TAFA1: variants seen among roughly 807,000 people sequenced by gnomAD.
The protein encoded by TAFA1 is chemokine-like protein TAFA-1.
In TAFA1, 4 loss-of-function variants were observed where a neutral mutation model predicts 18.5. The observed-to-expected ratio is 0.22, with a 90% confidence interval of 0.11 to 0.49. The LOEUF (loss-of-function observed/expected upper bound fraction) is 0.49. Among genes scored for constraint, TAFA1 ranks in the 20% least tolerant of loss-of-function variants. The pLI, the probability that TAFA1 is intolerant of heterozygous loss-of-function variation, is 0.98. For missense variants in TAFA1, 147 were observed against 169.0 expected (o/e 0.87, Z 0.72); for synonymous variants, 56 against 55.2 (o/e 1.01, Z -0.06).
At chr3:68,028,773 G>T (rs4546166) in intron 2 of TAFA1, among the ~76,000 whole-genome samples, 98,366 of 150,736 alleles carry the variant, frequency 0.65, 32,217 homozygotes, top group South Asian at 0.78. Context: ...ATTTTTTTGA[G>T]ATAGGGTTTC....
chr3:68,543,657 A>C lies in TAFA1; in HGVS notation c.385-829A>C, dbSNP rs557486629. 2.0e-5 allele frequency among the ~76,000 whole-genome samples: 3 copies of C among 152,272 alleles called. No homozygotes were observed. In the South Asian group the frequency reaches 6.2e-4, roughly 32 times the overall value. ...CACTCAACTTCTAAAACTGTAAAGA[A>C]GTAAGAGATAATAAAGAAAAATGCC... On this transcript the variant is annotated intron_variant, in intron 4 of 4. Transcript: ENST00000478136.
intron 2 of TAFA1, among the ~76,000 whole-genome samples, chr3:68,117,206 T>C (rs2065334756): frequency 1.3e-5 from 2 of 152,196 alleles, no homozygotes; most frequent in South Asian, 4.1e-4. Flanking sequence ...TACCCTTCAT[T>C]TTCCCTTGGA....
intron 2 of TAFA1, among the ~76,000 whole-genome samples, chr3:68,384,209 G>T (rs1022717180): frequency 6.6e-6 from 1 of 151,794 alleles, no homozygotes; most frequent in Non-Finnish European, 1.5e-5. Flanking sequence ...GTTATTTCTT[G>T]TCTTCTGCTA....
chr3:68,199,116 G>A (rs2066444955), intron 2 of TAFA1, among the ~76,000 whole-genome samples: 1 of 151,388 alleles, frequency 6.6e-6, no homozygotes, highest in Non-Finnish European at 1.5e-5. Flanking sequence ...AATCTTATTT[G>A]TTAACAACAC....
intron 2 of TAFA1, among the ~76,000 whole-genome samples, chr3:68,328,605 G>A (rs1269624257): frequency 6.6e-6 from 1 of 152,172 alleles, no homozygotes; most frequent in African/African-American, 2.4e-5. Flanking sequence ...GCATAAACTA[G>A]CAGGCTAACG....
intron 3 of TAFA1, among the ~76,000 whole-genome samples, chr3:68,436,790 G>A (rs530261545): frequency 5.3e-5 from 8 of 152,096 alleles, no homozygotes; most frequent in South Asian, 2.1e-4. Context: ...AATGAACAGC[G>A]AGTCACTGGT....
intron 2 of TAFA1, among the ~76,000 whole-genome samples, chr3:68,166,112 CA>C (rs11303775): frequency 0.66 from 99,983 of 151,934 alleles, 33,670 homozygotes; most frequent in South Asian, 0.78. Flanking sequence ...GAGCATAGCA[CA>C]TTGCCAATAC....
At chr3:68,287,907 TGGG>T (rs35069967) in intron 2 of TAFA1, among the ~76,000 whole-genome samples, 6 of 51,996 alleles carry the variant, frequency 1.2e-4, no homozygotes, top group Non-Finnish European at 2.3e-4. Flanking sequence ...TTGTTTTTGT[TGGG>T]GGGTGGGGGG....
intron 2 of TAFA1, among the ~76,000 whole-genome samples, chr3:68,044,269 A>G (rs764255852): frequency 4.6e-5 from 7 of 152,120 alleles, no homozygotes; most frequent in East Asian, 1.9e-4. Flanking sequence ...TTCTGCTTTT[A>G]TCTCTGGCAT....
chr3:68,379,036 T>C (rs1232189549), intron 2 of TAFA1, among the ~76,000 whole-genome samples: 1 of 152,178 alleles, frequency 6.6e-6, no homozygotes, highest in Non-Finnish European at 1.5e-5. Context: ...AGTAAAGAGA[T>C]TGTTGGGTCA....
At chr3:68,458,386 C>G (rs796748851) in intron 3 of TAFA1, among the ~76,000 whole-genome samples, 7 of 152,286 alleles carry the variant, frequency 4.6e-5, no homozygotes, top group African/African-American at 1.7e-4. Flanking sequence ...CAAGAACTAA[C>G]TAACATATCT....
intron 2 of TAFA1, among the ~76,000 whole-genome samples, chr3:68,380,419 T>C (rs982489635): frequency 7.2e-5 from 11 of 152,206 alleles, no homozygotes; most frequent in Admixed American, 2.6e-4. Flanking sequence ...CCACATCCTC[T>C]CCAGCACCTG....
chr3:68,470,939 C>G (rs572576041), intron 3 of TAFA1, among the ~76,000 whole-genome samples: 5 of 152,228 alleles, frequency 3.3e-5, no homozygotes, highest in African/African-American at 1.2e-4. Context: ...CCACCACAGA[C>G]CTGGAAGCCT....
intron 3 of TAFA1, among the ~76,000 whole-genome samples, chr3:68,519,759 C>T (rs2072988691): frequency 6.6e-6 from 1 of 152,106 alleles, no homozygotes. Context: ...CTGGGGGACC[C>T]TTTTATGTGG....
intron 2 of TAFA1, among the ~76,000 whole-genome samples, chr3:68,403,819 G>T (rs1307546237): frequency 6.6e-6 from 1 of 152,182 alleles, no homozygotes; most frequent in Non-Finnish European, 1.5e-5. Context: ...GCCCTGGAAG[G>T]TCTTGCACAG....
chr3:68,451,302 G>A (rs1484186059), intron 3 of TAFA1, among the ~76,000 whole-genome samples: 4 of 152,108 alleles, frequency 2.6e-5, no homozygotes, highest in Non-Finnish European at 5.9e-5. Flanking sequence ...CTCAATAAAC[G>A]TCTGTTAAAT....
At position 68,410,705 on chromosome 3, in the gene TAFA1, CAAAAAAAA is replaced by C. The variant is rs34714719; in HGVS notation, c.119-6554_119-6547del. Among the ~76,000 whole-genome samples the C allele has an allele frequency of 5.1e-3, 188 of 36,664 alleles. 2 individuals carry two copies. Among genetic ancestry groups the C allele is most frequent in the African/African-American group, 0.015 (161 of 10,610 alleles). The allele number at this position is 36,664 out of a possible 152,430, so 24.1% of individuals were successfully genotyped here. ...CAAAAAAGAGACCATTTTCCATAAG[CAAAAAAAA>C]AAAAAAAAAAAAAAAAAAAAGGAAG... On this transcript the variant is annotated intron_variant, in intron 2 of 4. Coordinates refer to ENST00000478136, the MANE Select transcript of TAFA1 (RefSeq NM_213609.4).
chr3:68,330,221 C>G (rs548857300), intron 2 of TAFA1, among the ~76,000 whole-genome samples: 1 of 152,318 alleles, frequency 6.6e-6, no homozygotes, highest in East Asian at 1.9e-4. Flanking sequence ...CTCTTCCAGG[C>G]TTCTTCTAAG....
At chr3:68,352,423 A>G (rs902057116) in intron 2 of TAFA1, among the ~76,000 whole-genome samples, 5 of 151,990 alleles carry the variant, frequency 3.3e-5, no homozygotes, top group African/African-American at 1.2e-4. Flanking sequence ...CAAAGAAAGT[A>G]GTTTTAGGCT....
Sources: gnomAD v4.1 joint callset for allele counts (sites outside exome capture counted in the v4.1 genomes callset) on GRCh38, gnomAD v4.1.1 for gene constraint, MANE v1.5 for transcripts, NCBI Gene and HGNC (gene_info 2026-07-23, HGNC 2026-07-21) for gene names.